MAPK3: variants seen among roughly 807,000 people sequenced by gnomAD.
The protein encoded by MAPK3 is MAPK 1.
MAPK3 carries 30 observed loss-of-function variants against 41.8 expected under a neutral mutation model. That is an observed-to-expected ratio of 0.72 (90% CI 0.54 to 0.97). The LOEUF (loss-of-function observed/expected upper bound fraction) is 0.97, where lower values mean the gene tolerates loss of function less well. Among genes scored for constraint, MAPK3 ranks in the 50% least tolerant of loss-of-function variants. MAPK3 has a pLI of 0.00. For missense variants in MAPK3, 413 were observed against 509.9 expected, an observed-to-expected ratio of 0.81 and a Z score of 1.83; for synonymous variants, 222 against 213.4, an observed-to-expected ratio of 1.04 and a Z score of -0.35.
intron 5 of MAPK3, 89 bp from the exon 6 acceptor site, chr16:30,117,374 C>T: frequency 1.5e-6 from 2 of 1,349,700 alleles, no homozygotes; most frequent in Admixed American, 2.0e-5. Context: ...ACCCCCCAGC[C>T]CAGCAACCCA....
In MAPK3 at chr16:30,116,806, C is replaced by T. The variant is rs369133216; in HGVS notation, c.1018-16G>A. 5.4e-5 allele frequency: 87 copies of T among 1,613,638 alleles called. No homozygotes were observed. The highest frequency in any genetic ancestry group is 2.4e-4 in the African/African-American group (18 of 74,900). ...CGGCCACTGGCTGGGGTGGTAGAGACAGCAAGGCTCAGGCCTGGCATGGGG... is the reference window on the plus strand; with the variant it reads ...CGGCCACTGGCTGGGGTGGTAGAGATAGCAAGGCTCAGGCCTGGCATGGGG... On this transcript the variant is annotated splice_polypyrimidine_tract_variant and intron_variant, in intron 7 of 8. Coordinates refer to ENST00000263025, the MANE Select transcript of MAPK3 (RefSeq NM_002746.3).
In MAPK3 at chr16:30,122,340, G is replaced by T; in HGVS notation, c.171-334C>A. The T allele has an allele frequency of 1.3e-5, 5 of 391,650 alleles. 1 individual carries two copies. The highest frequency in any genetic ancestry group is 1.2e-4 in the South Asian group (5 of 43,296). The allele number at this position is 391,650 out of a possible 1,614,324, so 24.3% of individuals were successfully genotyped here. ...TCCTTAACCCAAGACAGGTCCGGGG[G>T]TGCAGATGCTGGGGACACACCATGG... On this transcript the variant is annotated intron_variant, in intron 1 of 8. Transcript: ENST00000263025.
chr16:30,116,794 G>C lies in MAPK3; in HGVS notation c.1018-4C>G, dbSNP rs373071343. The C allele has an allele frequency of 6.8e-6, 11 of 1,613,822 alleles. No homozygotes were observed. Among genetic ancestry groups the C allele is most frequent in the Non-Finnish European group, 8.5e-6 (10 of 1,179,962 alleles). ...TGAAGGGCTCCTCGGCCACTGGCTG[G>C]GGTGGTAGAGACAGCAAGGCTCAGG... On this transcript the variant is annotated splice_region_variant and splice_polypyrimidine_tract_variant and intron_variant, in intron 7 of 8. Transcript: ENST00000263025.
chr16:30,117,084 G>A (rs1477171267), intron 6 of MAPK3, 70 bp downstream of exon 6: 21 of 1,601,982 alleles, frequency 1.3e-5, no homozygotes, highest in Admixed American at 8.4e-5. Flanking sequence ...CTCCTCCAGC[G>A]GCTGCTGGGC....
chr16:30,120,298 C>T (rs2073002686), intron 2 of MAPK3, among the ~76,000 whole-genome samples: 1 of 152,164 alleles, frequency 6.6e-6, no homozygotes, highest in African/African-American at 2.4e-5. Flanking sequence ...CTTCAGATCA[C>T]ACAGCGAGCT....
chr16:30,119,449 T>C (rs1462632999), intron 2 of MAPK3, among the ~76,000 whole-genome samples: 1 of 152,042 alleles, frequency 6.6e-6, no homozygotes, highest in Non-Finnish European at 1.5e-5. Flanking sequence ...CATGAAATAA[T>C]GGTTCTTTTG....
At chr16:30,122,057 C>A (rs139021825) in intron 1 of MAPK3, 51 bp from the exon 2 acceptor site, 1 of 1,595,790 alleles carries the variant, frequency 6.3e-7, no homozygotes, top group East Asian at 2.2e-5. Context: ...AGGGGGAGTC[C>A]GGGCCTGGTG....
chr16:30,117,571 G>T, intron 5 of MAPK3, 99 bp downstream of exon 5: 1 of 912,672 alleles, frequency 1.1e-6, no homozygotes, highest in Non-Finnish European at 1.8e-6. Flanking sequence ...AGATGCTGGA[G>T]GCACCCCACA....
At chr16:30,119,750 A>C (rs1369024225) in intron 2 of MAPK3, among the ~76,000 whole-genome samples, 1 of 152,268 alleles carries the variant, frequency 6.6e-6, no homozygotes, top group East Asian at 1.9e-4. Flanking sequence ...ATACCTCAGA[A>C]GATGGAGGAG....
intron 1 of MAPK3, 59 bp downstream of exon 1, chr16:30,122,981 T>A: frequency 7.4e-7 from 1 of 1,344,692 alleles, no homozygotes; most frequent in Admixed American, 3.2e-5. Flanking sequence ...CGCCTCCTCC[T>A]CCTCTCCCGC....
chr16:30,115,495 A>C (rs1362954406), intron 8 of MAPK3: 3 of 152,876 alleles, frequency 2.0e-5, no homozygotes, highest in Non-Finnish European at 4.4e-5. Flanking sequence ...GAGGCCTGGC[A>C]ATCTGGGTCA....
rs1283692189 is a variant in MAPK3, at chr16:30,122,971, C to G, written c.170+69G>C. On this transcript the variant is annotated intron_variant, in intron 1 of 8. Coordinates refer to ENST00000263025, the MANE Select transcript of MAPK3 (RefSeq NM_002746.3). The stretch of plus-strand genomic sequence containing the variant: ...TCTCCACGTCCCGGAAAGCGCTCGG[C>G]GCCTCCTCCTCCTCTCCCGCGAAGC... 2.3e-6 allele frequency: 3 copies of G among 1,293,844 alleles called. No individual in the cohort carries two copies. In the African/African-American group the frequency reaches 4.7e-5, roughly 20 times the overall value. The allele number at this position is 1,293,844 out of a possible 1,614,324, so 80.1% of individuals were successfully genotyped here. A position where few individuals can be genotyped will look rare whatever the true frequency, so the allele number is the denominator to read the frequency against.
rs778192562 is a variant in MAPK3, at chr16:30,121,940, C to T, written c.237G>A (p.Gln79=). ...AIKKISPFEH[Q]TYCQRTLREI... Reference sequence around the variant, plus strand: ...CCCGGAGCGTGCGCTGGCAGTAGGTCTGATGTTCGAAGGGGCTGATCTTCT... The same window carrying T: ...CCCGGAGCGTGCGCTGGCAGTAGGTTTGATGTTCGAAGGGGCTGATCTTCT... Residue 79 remains glutamine, a synonymous_variant, in exon 2 of 9, where the codon CAG becomes CAA. Transcript: ENST00000263025. The T allele has an allele frequency of 3.1e-6, 5 of 1,614,046 alleles. No homozygotes were observed. The highest frequency in any genetic ancestry group is 3.4e-6 in the Non-Finnish European group (4 of 1,180,040).
intron 2 of MAPK3, among the ~76,000 whole-genome samples, 171 bp from the exon 3 acceptor site, chr16:30,118,709 G>A (rs1198799540): frequency 2.0e-5 from 3 of 152,116 alleles, no homozygotes; most frequent in Non-Finnish European, 1.5e-5. Flanking sequence ...ATTACCCAGC[G>A]GCAGGGCTCT....
At chr16:30,117,354 CA>C in intron 5 of MAPK3, 69 bp from the exon 6 acceptor site, 1 of 1,522,270 alleles carries the variant, frequency 6.6e-7, no homozygotes, top group Non-Finnish European at 9.0e-7. Flanking sequence ...GGCAACAAGG[CA>C]AGAACAAGAC....
chr16:30,123,105 C>T lies in MAPK3; in HGVS notation c.105G>A (p.Pro35=), dbSNP rs770798959. 3 of 1,573,960 alleles carry T rather than the reference C, an allele frequency of 1.9e-6. No individual in the cohort carries two copies. The highest frequency in any genetic ancestry group is 2.6e-6 in the Non-Finnish European group (3 of 1,161,192). The change falls in exon 1 of 9, where the codon CCG becomes CCA. Residue 35 remains proline, a synonymous_variant. Coordinates refer to ENST00000263025, the MANE Select transcript of MAPK3 (RefSeq NM_002746.3). The stretch of plus-strand genomic sequence containing the variant: ...GCGTGTAGCGCGGGCCCACGTCGAA[C>T]GGCTGCCCCTTCACCATCTCCACCT... ...PGEVEMVKGQ[P]FDVGPRYTQL...
intron 1 of MAPK3, 45 bp from the exon 2 acceptor site, chr16:30,122,051 G>T (rs2073021686): frequency 6.2e-7 from 1 of 1,605,220 alleles, no homozygotes; most frequent in Non-Finnish European, 8.5e-7. Context: ...TTACAAAGGG[G>T]GAGTCCGGGC....
chr16:30,120,716 CT>C (rs1425809285), intron 2 of MAPK3, among the ~76,000 whole-genome samples: 2 of 143,854 alleles, frequency 1.4e-5, no homozygotes, highest in African/African-American at 5.2e-5. Context: ...CAGGGTCACG[CT>C]CTGTCCCCCA....
chr16:30,120,290 T>A (rs1382786675), intron 2 of MAPK3, among the ~76,000 whole-genome samples: 1 of 152,078 alleles, frequency 6.6e-6, no homozygotes, highest in Non-Finnish European at 1.5e-5. Context: ...GTGACTTGCT[T>A]CAGATCACAC....
Sources: gnomAD v4.1 joint callset for allele counts (sites outside exome capture counted in the v4.1 genomes callset) on GRCh38, gnomAD v4.1.1 for gene constraint, MANE v1.5 for transcripts, NCBI Gene and HGNC (gene_info 2026-07-23, HGNC 2026-07-21) for gene names.